The following ETV6 variants were observed in gnomAD, a reference collection of about 807,000 sequenced individuals.
ETV6 encodes ETS variant transcription factor 6, also known as transcription factor ETV6.
In ETV6, 16 loss-of-function variants were observed where a neutral mutation model predicts 51.1. The observed-to-expected ratio is 0.31, with a 90% CI of 0.21 to 0.48. The LOEUF is 0.48. ETV6 is among the 20% of genes least tolerant of loss of function. The pLI, the probability that ETV6 is intolerant of heterozygous loss-of-function variation, is 0.99. For synonymous variants in ETV6, 240 were observed against 224.1 expected (o/e 1.07, Z -0.64); for missense variants, 458 against 594.8 (o/e 0.77, Z 2.39).
In ETV6 at chr12:11,804,395, G is replaced by A. The variant is rs76741902; in HGVS notation, c.164-34745G>A. ...CCAGGCCCTGTGTGATCTGAAATTT[G>A]TAAATCTCGTCAACCTCTCCACCCT... On this transcript the variant is annotated intron_variant, in intron 2 of 7. Transcript: ENST00000396373. Among the ~76,000 whole-genome samples, 149 of 152,308 alleles carry A rather than the reference G, an allele frequency of 9.8e-4. 3 individuals are homozygous for A. In the East Asian group the frequency reaches 0.028, roughly 28 times the overall value.
chr12:11,689,421 CTATTT>C (rs1339398333), intron 1 of ETV6, among the ~76,000 whole-genome samples: 3 of 152,244 alleles, frequency 2.0e-5, no homozygotes, highest in East Asian at 1.9e-4. Flanking sequence ...AGTACATTTG[CTATTT>C]TATTTTATTT....
chr12:11,804,338 T>C (rs1565532550), intron 2 of ETV6, among the ~76,000 whole-genome samples: 1 of 152,328 alleles, frequency 6.6e-6, no homozygotes, highest in East Asian at 1.9e-4. Context: ...CCAGTTTCAT[T>C]TGGAAACCTT....
chr12:11,745,132 G>T (rs1172603912), intron 1 of ETV6, among the ~76,000 whole-genome samples: 1 of 152,186 alleles, frequency 6.6e-6, no homozygotes, highest in African/African-American at 2.4e-5. Context: ...TGATAAAGAA[G>T]GGGACTGTGG....
At chr12:11,858,010 C>T (rs755660310) in intron 4 of ETV6, among the ~76,000 whole-genome samples, 25 of 152,308 alleles carry the variant, frequency 1.6e-4, no homozygotes, top group Non-Finnish European at 2.9e-4. Flanking sequence ...TGCTCAGAAG[C>T]GGGAGAAAAT....
At chr12:11,774,653 A>G (rs745564223) in intron 2 of ETV6, among the ~76,000 whole-genome samples, 4 of 152,180 alleles carry the variant, frequency 2.6e-5, no homozygotes, top group Non-Finnish European at 5.9e-5. Context: ...GATTATATAA[A>G]ACTCATAGTC....
chr12:11,650,271 A>G, intron 1 of ETV6, 111 bp downstream of exon 1: 1 of 975,520 alleles, frequency 1.0e-6, no homozygotes, highest in Non-Finnish European at 1.6e-6. Flanking sequence ...TGTTCGCAGG[A>G]AATTATTTGG....
intron 1 of ETV6, among the ~76,000 whole-genome samples, chr12:11,725,410 C>T (rs1048892099): frequency 6.6e-6 from 1 of 152,036 alleles, no homozygotes; most frequent in African/African-American, 2.4e-5. Context: ...GGTTGGAGTT[C>T]CCTTTTTAAC....
At chr12:11,879,121 GT>G (rs1947046105) in intron 5 of ETV6, among the ~76,000 whole-genome samples, 1 of 152,020 alleles carries the variant, frequency 6.6e-6, no homozygotes, top group South Asian at 2.1e-4. Context: ...TACTTTGCGT[GT>G]TTTGTTGCTG....
At chr12:11,747,572 A>T (rs1032775665) in intron 1 of ETV6, among the ~76,000 whole-genome samples, 1 of 152,188 alleles carries the variant, frequency 6.6e-6, no homozygotes, top group South Asian at 2.1e-4. Context: ...GGCTGTGTGT[A>T]CAATGTCTAT....
At chr12:11,671,520 T>C (rs1273176320) in intron 1 of ETV6, among the ~76,000 whole-genome samples, 1 of 152,202 alleles carries the variant, frequency 6.6e-6, no homozygotes, top group Non-Finnish European at 1.5e-5. Flanking sequence ...AGAGAAATAT[T>C]TAAGGCGATG....
chr12:11,714,022 T>G (rs889650962), intron 1 of ETV6, among the ~76,000 whole-genome samples: 4 of 152,194 alleles, frequency 2.6e-5, no homozygotes, highest in Admixed American at 6.5e-5. Context: ...ATTCTTCTCT[T>G]TGGCAGGACC....
intron 2 of ETV6, among the ~76,000 whole-genome samples, chr12:11,834,618 T>C (rs189403760): frequency 6.6e-6 from 1 of 152,354 alleles, no homozygotes; most frequent in East Asian, 1.9e-4. Context: ...ATGTTGATTA[T>C]TGCCATAGCT....
chr12:11,787,695 T>C (rs1021238468), intron 2 of ETV6, among the ~76,000 whole-genome samples: 1 of 152,194 alleles, frequency 6.6e-6, no homozygotes, highest in African/African-American at 2.4e-5. Context: ...TAGGCCAGCA[T>C]ACTTTCCTTT....
chr12:11,860,355 G>A (rs774321524), intron 4 of ETV6, among the ~76,000 whole-genome samples: 6 of 152,126 alleles, frequency 3.9e-5, no homozygotes, highest in African/African-American at 4.8e-5. Context: ...CAGAGAGCAT[G>A]CCGGCACGTA....
chr12:11,863,755 G>A (rs576132155), intron 4 of ETV6, among the ~76,000 whole-genome samples: 10 of 152,320 alleles, frequency 6.6e-5, no homozygotes, highest in Admixed American at 4.6e-4. Context: ...CTCTGGTCTC[G>A]TAAGTTTCCA....
chr12:11,881,758 A>G (rs146072271), intron 5 of ETV6, among the ~76,000 whole-genome samples: 3 of 152,360 alleles, frequency 2.0e-5, no homozygotes, highest in African/African-American at 7.2e-5. Context: ...AGAGAAAGTA[A>G]TTCAAGACAA....
intron 1 of ETV6, among the ~76,000 whole-genome samples, chr12:11,676,688 C>T (rs139099668): frequency 4.9e-4 from 74 of 152,300 alleles, no homozygotes; most frequent in African/African-American, 1.7e-3. Context: ...TTTGAAACTT[C>T]TATCACATCA....
rs547897234 is a variant in ETV6 at position 11,862,008 on chromosome 12, G to A, written c.464-7416G>A. ...GACTGTGAGGACTGTGAGGCCTCCT[G>A]TGTCAGCAGATGTGCATGTACTCTC... On this transcript the variant is annotated intron_variant, in intron 4 of 7. Transcript: ENST00000396373. 1.7e-4 allele frequency among the ~76,000 whole-genome samples: 26 copies of A among 152,312 alleles called. 1 individual carries two copies. The highest frequency in any genetic ancestry group is 3.4e-3 in the Middle Eastern group (1 of 292).
intron 3 of ETV6, among the ~76,000 whole-genome samples, chr12:11,846,445 C>T (rs1190114779): frequency 6.6e-6 from 1 of 152,142 alleles, no homozygotes; most frequent in Non-Finnish European, 1.5e-5. Flanking sequence ...TGCAAAACCC[C>T]CTGGGAGAGG....
Sources: allele counts gnomAD v4.1 joint callset (sites outside exome capture counted in the v4.1 genomes callset), GRCh38; gene constraint gnomAD v4.1.1; transcripts MANE v1.5; gene names NCBI Gene and HGNC (gene_info 2026-07-23, HGNC 2026-07-21).